The following DISC1 variants were observed in gnomAD, a reference collection of about 807,000 sequenced individuals.
DISC1 encodes DISC1 scaffold protein, also known as disrupted in schizophrenia 1 protein.
A neutral mutation model predicts 84.5 loss-of-function variants in DISC1; 57 were observed. The ratio of observed to expected loss-of-function variants is 0.67; its 90% CI spans 0.55 to 0.84. DISC1 has a LOEUF of 0.84. Among genes scored for constraint, DISC1 ranks in the 40% least tolerant of loss-of-function variants. The probability of loss-of-function intolerance (pLI) is 0.00; values close to 1 mark genes in which losing one functional copy is unlikely to be tolerated. For missense variants in DISC1, 1,000 were observed against 1,057.8 expected, an observed-to-expected ratio of 0.95 and a Z score of 0.76; for synonymous variants, 411 against 415.2, an observed-to-expected ratio of 0.99 and a Z score of 0.12.
intron 1 of DISC1, among the ~76,000 whole-genome samples, chr1:231,668,544 CGTTCTCCTGCTAAGGTGAAAGTCT>C (rs2062244080): frequency 2.0e-5 from 3 of 152,170 alleles, no homozygotes; most frequent in African/African-American, 7.2e-5. Flanking sequence ...CATTGACTCA[CGTTCTCCTGCTAAGGTGAAAGTCT>C]CAATTTGCTG....
chr1:232,000,399 T>C (rs1666534424), intron 10 of DISC1, among the ~76,000 whole-genome samples: 1 of 152,080 alleles, frequency 6.6e-6, no homozygotes, highest in Admixed American at 6.6e-5. Flanking sequence ...ATTTACCCAA[T>C]CTGAACAAGA....
Position 231,833,995 on chromosome 1 carries a change from G to A in DISC1, c.1981+15478G>A, listed in dbSNP as rs555303741. ...ACCTTTTAGGGTCCAGGGCTGTAAA[G>A]TGTCTCAGGGTTGCTGCCAAACGAG... On this transcript the variant is annotated intron_variant, in intron 9 of 12. Transcript: ENST00000439617. 8.5e-5 allele frequency among the ~76,000 whole-genome samples: 13 copies of A among 152,270 alleles called. No individual in the cohort carries two copies. In the South Asian group the frequency reaches 2.7e-3, roughly 32 times the overall value.
At position 231,897,445 on chromosome 1, in the gene DISC1, C is replaced by T. The variant is rs2087789707; in HGVS notation, c.1982-61383C>T. ...GAATTGACCGGTCCAGAGAGCATTT[C>T]AGTTATCATTTATGGAACAAGGCCA... is the stretch of plus-strand genomic sequence containing the variant. On this transcript the variant is annotated intron_variant, in intron 9 of 12. Coordinates refer to ENST00000439617, the MANE Select transcript of DISC1 (RefSeq NM_018662.3). This position sits in a 1 kb window ranked among gnomAD's most constrained non-coding sequence, Gnocchi z 4.5. 6.6e-6 allele frequency among the ~76,000 whole-genome samples: 1 copy of T among 152,160 alleles called. No homozygotes were observed. Among genetic ancestry groups the T allele is most frequent in the Non-Finnish European group, 1.5e-5 (1 of 68,024 alleles).
intron 9 of DISC1, among the ~76,000 whole-genome samples, chr1:231,935,878 C>T (rs1471014214): frequency 6.6e-6 from 1 of 152,302 alleles, no homozygotes; most frequent in Middle Eastern, 3.4e-3. Flanking sequence ...CCTGGTTGAA[C>T]GTATGGAAGT....
intron 8 of DISC1, among the ~76,000 whole-genome samples, chr1:231,803,773 C>G (rs1573943225): frequency 3.3e-5 from 5 of 151,858 alleles, no homozygotes; most frequent in Non-Finnish European, 5.9e-5. Flanking sequence ...ATGGTGAAAC[C>G]CCGTCTCTAC....
chr1:231,638,338 A>G (rs2059360541), intron 1 of DISC1, among the ~76,000 whole-genome samples: 1 of 152,120 alleles, frequency 6.6e-6, no homozygotes, highest in South Asian at 2.1e-4. Context: ...TTAACTAAGT[A>G]CCATTTCCCT....
chr1:231,823,094 A>G (rs1462453088), intron 9 of DISC1, among the ~76,000 whole-genome samples: 1 of 152,238 alleles, frequency 6.6e-6, no homozygotes, highest in Non-Finnish European at 1.5e-5. Flanking sequence ...TTAACTCTGA[A>G]GTTCCCAGAT....
chr1:231,946,575 C>T (rs1037746283), intron 9 of DISC1, among the ~76,000 whole-genome samples: 2 of 152,154 alleles, frequency 1.3e-5, no homozygotes, highest in Non-Finnish European at 2.9e-5. Context: ...CCTCTCTCAC[C>T]ACTCCTATTC....
chr1:231,628,272 G>A (rs1182064354), intron 1 of DISC1, among the ~76,000 whole-genome samples: 3 of 152,170 alleles, frequency 2.0e-5, no homozygotes, highest in Non-Finnish European at 4.4e-5. Flanking sequence ...CTTTGACTTT[G>A]AGCCTGTTTT....
intron 6 of DISC1, among the ~76,000 whole-genome samples, chr1:231,781,415 C>T (rs980634872): frequency 1.3e-5 from 2 of 152,064 alleles, no homozygotes; most frequent in Non-Finnish European, 2.9e-5. Flanking sequence ...TTTGTAGACT[C>T]ATCCATTTCT....
intron 6 of DISC1, among the ~76,000 whole-genome samples, chr1:231,779,193 T>C (rs2077187366): frequency 6.6e-6 from 1 of 152,204 alleles, no homozygotes; most frequent in South Asian, 2.1e-4. Flanking sequence ...CTTAAAACCA[T>C]GGCAGTCCTT....
chr1:231,827,783 A>G (rs770132272), intron 9 of DISC1, among the ~76,000 whole-genome samples: 33 of 152,088 alleles, frequency 2.2e-4, no homozygotes, highest in Non-Finnish European at 3.8e-4. Context: ...GCTTTTCTGT[A>G]ACTGGGGAGG....
At chr1:232,027,049 C>G (rs12063866) in intron 12 of DISC1, among the ~76,000 whole-genome samples, 20 of 152,132 alleles carry the variant, frequency 1.3e-4, no homozygotes, top group African/African-American at 4.8e-4. Context: ...CCGCATCCGG[C>G]CGCAATTCAG....
At chr1:231,800,881 G>T (rs1400360212) in intron 8 of DISC1, among the ~76,000 whole-genome samples, 2 of 151,552 alleles carry the variant, frequency 1.3e-5, no homozygotes, top group Non-Finnish European at 2.9e-5. Context: ...GCTAAGCAGT[G>T]GCAGATCTGG....
chr1:232,011,415 G>A lies in DISC1; in HGVS notation c.2307+2366G>A, dbSNP rs376579151. Among the ~76,000 whole-genome samples the A allele has an allele frequency of 8.5e-5, 13 of 152,110 alleles. No individual in the cohort carries two copies. The South Asian group carries it at 2.3e-3, about 27-fold the overall frequency. On this transcript the variant is annotated intron_variant, in intron 11 of 12. Transcript: ENST00000439617. ...GGGGGTGAGTGGGTGCTTTAGAGGG[G>A]ACCTTACAGCTTTTGCTGGCTTTCA...
intron 9 of DISC1, among the ~76,000 whole-genome samples, chr1:231,873,364 G>A (rs9432028): frequency 0.34 from 51,933 of 152,114 alleles, 9,034 homozygotes; most frequent in Middle Eastern, 0.41. Flanking sequence ...GAAGCAAAGC[G>A]GACTTCAGCC....
chr1:231,847,076 G>C (rs748901058), intron 9 of DISC1, among the ~76,000 whole-genome samples: 1 of 152,152 alleles, frequency 6.6e-6, no homozygotes, highest in Non-Finnish European at 1.5e-5. Flanking sequence ...AGACTGAGTG[G>C]CTTGGACAAC....
rs2772122 is a variant in DISC1, at chr1:231,954,747, C to T, written c.1982-4081C>T. ...AAAGGTGAGCTCTATTCTCCGTCAG[C>T]GTGTCTGTGGCTGTATTGATTCGGA... On this transcript the variant is annotated intron_variant, in intron 9 of 12. Coordinates refer to ENST00000439617, the MANE Select transcript of DISC1 (RefSeq NM_018662.3). The surrounding 1 kb of genome is among the most constrained non-coding windows in gnomAD (Gnocchi z 4.8). Among the ~76,000 whole-genome samples, 101,571 of 152,024 alleles carry T rather than the reference C, an allele frequency of 0.67. 34,925 individuals carry two copies. Among genetic ancestry groups the T allele is most frequent in the Middle Eastern group, 0.84 (246 of 294 alleles).
At chr1:231,718,271 T>C (rs1475642830) in intron 3 of DISC1, among the ~76,000 whole-genome samples, 3 of 152,188 alleles carry the variant, frequency 2.0e-5, no homozygotes, top group Non-Finnish European at 4.4e-5. Flanking sequence ...TTTCTAAAAC[T>C]CATTTACAAT....
Sources: allele counts gnomAD v4.1 joint callset (sites outside exome capture counted in the v4.1 genomes callset), GRCh38; gene constraint gnomAD v4.1.1; non-coding constraint Gnocchi (gnomAD v3.1); transcripts MANE v1.5; gene names NCBI Gene and HGNC (gene_info 2026-07-23, HGNC 2026-07-21).